Variants in ACACA observed in about 807,000 individuals in gnomAD.
The protein encoded by ACACA is acetyl-CoA carboxylase alpha, also known as acetyl-CoA carboxylase 1.
A neutral mutation model predicts 296.1 loss-of-function variants in ACACA; 103 were observed. The observed-to-expected ratio is 0.35, with a 90% CI of 0.30 to 0.41. The LOEUF (loss-of-function observed/expected upper bound fraction) is 0.41. Among genes scored for constraint, ACACA ranks in the 10% least tolerant of loss-of-function variants. The pLI is 1.00. For missense variants in ACACA, 1,554 were observed against 2,989.7 expected (o/e 0.52, Z 11.20); for synonymous variants, 953 against 1,038.6 (o/e 0.92, Z 1.58).
At chr17:37,256,189 G>A (rs566690160) in intron 14 of ACACA, among the ~76,000 whole-genome samples, 2 of 151,990 alleles carry the variant, frequency 1.3e-5, no homozygotes, top group African/African-American at 4.8e-5. Context: ...TTAACACTTT[G>A]TGAGCCCATC....
chr17:37,248,228 A>G (rs2080812668), intron 17 of ACACA, 72 bp from the exon 18 acceptor site: 2 of 1,565,914 alleles, frequency 1.3e-6, no homozygotes, highest in Admixed American at 3.4e-5. Flanking sequence ...GAATGCTTCA[A>G]AAATACAGAT....
chr17:37,147,141 G>T (rs1005436598), intron 45 of ACACA, among the ~76,000 whole-genome samples: 1 of 152,010 alleles, frequency 6.6e-6, no homozygotes, highest in Non-Finnish European at 1.5e-5. Flanking sequence ...AAATGTGGGG[G>T]TCAAATATTT....
rs1171239921 is a variant in ACACA, at chr17:37,342,470, C to T, written c.39-2620G>A. On this transcript the variant is annotated intron_variant, in intron 1 of 55. Transcript: ENST00000616317. ...ATATATATATATATACACACACACACACATATATTTTTAAATATATATGTA... is the reference window on the plus strand; with the variant it reads ...ATATATATATATATACACACACACATACATATATTTTTAAATATATATGTA... Among the ~76,000 whole-genome samples the T allele has an allele frequency of 1.0e-3, 117 of 115,078 alleles. 1 individual carries two copies. The highest frequency in any genetic ancestry group is 1.5e-3 in the Non-Finnish European group (87 of 58,860). 75.5% of individuals were successfully genotyped at this position (115,078 alleles called of 152,430 possible).
At chr17:37,220,488 G>A (rs553445853) in intron 29 of ACACA, among the ~76,000 whole-genome samples, 2 of 152,302 alleles carry the variant, frequency 1.3e-5, no homozygotes, top group Admixed American at 1.3e-4. Flanking sequence ...AGAAGACTGA[G>A]TGCTGTGCCT....
At chr17:37,130,351 G>C in intron 45 of ACACA, 133 bp from the exon 46 acceptor site, 1 of 1,096,366 alleles carries the variant, frequency 9.1e-7, no homozygotes, top group Non-Finnish European at 1.3e-6. Context: ...TGGTTGTTCT[G>C]AGGGACTATC....
intron 1 of ACACA, among the ~76,000 whole-genome samples, chr17:37,373,104 C>T (rs1021521036): frequency 2.6e-5 from 4 of 152,158 alleles, no homozygotes; most frequent in African/African-American, 9.7e-5. Flanking sequence ...TGGTCTTGAA[C>T]TCCTGACCTC....
chr17:37,283,785 T>C (rs2082651477), intron 4 of ACACA, among the ~76,000 whole-genome samples: 1 of 152,234 alleles, frequency 6.6e-6, no homozygotes. Flanking sequence ...TGCCATGCAC[T>C]CTTCTCTGTT....
intron 1 of ACACA, among the ~76,000 whole-genome samples, chr17:37,376,483 C>T (rs2050007481): frequency 6.6e-6 from 1 of 152,110 alleles, no homozygotes; most frequent in Non-Finnish European, 1.5e-5. Context: ...TCATACTGTT[C>T]ATAAGATGTT....
chr17:37,254,082 C>T (rs2081115738), intron 14 of ACACA, among the ~76,000 whole-genome samples: 1 of 151,962 alleles, frequency 6.6e-6, no homozygotes, highest in African/African-American at 2.4e-5. Context: ...TCCACAAATA[C>T]TAATTATGTA....
Position 37,085,553 on chromosome 17 carries a change from G to C in ACACA, c.*1763C>G, listed in dbSNP as rs1231102571. Reference sequence around the variant, plus strand: ...CTAGGTAAGCAAATAGCCAGCAATGGTCAATGCATTTTCCTGGACTGAGAA... The same window carrying C: ...CTAGGTAAGCAAATAGCCAGCAATGCTCAATGCATTTTCCTGGACTGAGAA... On this transcript the variant is annotated 3_prime_UTR_variant, in exon 56 of 56. Coordinates refer to ENST00000616317, the MANE Select transcript of ACACA (RefSeq NM_198834.3). The C allele has an allele frequency of 1.0e-5, 4 of 398,502 alleles. No homozygotes were observed. Among genetic ancestry groups the C allele is most frequent in the Non-Finnish European group, 8.8e-6 (2 of 226,076 alleles). The allele number at this position is 398,502 out of a possible 1,614,324, so 24.7% of individuals were successfully genotyped here. A position where few individuals can be genotyped will look rare whatever the true frequency, so the allele number is the denominator to read the frequency against.
At chr17:37,295,213 G>A (rs1012619579) in intron 3 of ACACA, among the ~76,000 whole-genome samples, 2 of 152,144 alleles carry the variant, frequency 1.3e-5, no homozygotes, top group African/African-American at 2.4e-5. Context: ...GAGTGGCCCC[G>A]GCCAGAAACC....
In ACACA at chr17:37,087,459, ATGG is replaced by A; in HGVS notation, c.7029-23_7029-21del. ...ACCAAGCTGGAAAGGAAGATTGAGA[ATGG>A]TGAAGAAAAGAGAAGCAGAAGTGTC... is the stretch of plus-strand genomic sequence containing the variant. On this transcript the variant is annotated intron_variant, in intron 55 of 55. Transcript: ENST00000616317. 1.2e-6 allele frequency: 2 copies of A among 1,614,122 alleles called. No homozygotes were observed. Among genetic ancestry groups the A allele is most frequent in the Non-Finnish European group, 1.7e-6 (2 of 1,180,018 alleles).
intron 14 of ACACA, among the ~76,000 whole-genome samples, chr17:37,255,160 A>G (rs981501748): frequency 1.3e-5 from 2 of 152,138 alleles, no homozygotes; most frequent in South Asian, 2.1e-4. Context: ...AAGCAGAGGT[A>G]TAAGGATAGG....
Position 37,151,397 on chromosome 17 carries a change from C to T in ACACA, c.5472G>A (p.Gly1824=). The T allele has an allele frequency of 5.6e-6, 9 of 1,613,894 alleles. No homozygotes were observed. Among genetic ancestry groups the T allele is most frequent in the Non-Finnish European group, 7.6e-6 (9 of 1,179,910 alleles). ...TCTCGGGTCCAATTCCCTCTTCTTT[C>T]CCAATAATATCTGTTATCTTGTACC... ...ESRYKITDII[G]KEEGIGPENL... Residue 1824 remains glycine (G), a synonymous_variant, in exon 44 of 56, where the codon GGG becomes GGA. Coordinates refer to ENST00000616317, the MANE Select transcript of ACACA (RefSeq NM_198834.3).
At chr17:37,334,434 C>G (rs1012005585) in intron 2 of ACACA, among the ~76,000 whole-genome samples, 8 of 152,104 alleles carry the variant, frequency 5.3e-5, no homozygotes, top group Non-Finnish European at 1.0e-4. Context: ...AATTCCCCAT[C>G]CCTAGATACA....
At chr17:37,234,240 G>T (rs957845595) in intron 25 of ACACA, among the ~76,000 whole-genome samples, 6 of 152,172 alleles carry the variant, frequency 3.9e-5, no homozygotes, top group Non-Finnish European at 8.8e-5. Flanking sequence ...GACTCTAGGA[G>T]TAGTCCTACT....
intron 3 of ACACA, among the ~76,000 whole-genome samples, chr17:37,287,583 A>C (rs971761101): frequency 6.9e-5 from 10 of 145,738 alleles, no homozygotes; most frequent in Non-Finnish European, 1.2e-4. Flanking sequence ...AAAAAAAAAA[A>C]AAAAAAACAA....
Position 37,245,217 on chromosome 17 carries a change from A to G in ACACA, c.2461-3T>C, listed in dbSNP as rs2080633926. 1 of 1,613,586 alleles carries G rather than the reference A, an allele frequency of 6.2e-7. No homozygotes were observed. The highest frequency in any genetic ancestry group is 2.2e-5 in the East Asian group (1 of 44,886). ...AAGGTCATTACCATCTTCATTACCTATAGTGAAAAATAAACTAGACTCAGA... is the reference window on the plus strand; with the variant it reads ...AAGGTCATTACCATCTTCATTACCTGTAGTGAAAAATAAACTAGACTCAGA... On this transcript the variant is annotated splice_polypyrimidine_tract_variant and splice_region_variant and intron_variant, in intron 19 of 55. Coordinates refer to ENST00000616317, the MANE Select transcript of ACACA (RefSeq NM_198834.3).
chr17:37,313,155 G>T (rs1018752893), intron 3 of ACACA, among the ~76,000 whole-genome samples: 5 of 152,110 alleles, frequency 3.3e-5, no homozygotes, highest in Admixed American at 2.0e-4. Context: ...TTGGGGGGTT[G>T]CAGGAGGGAG....
Sources: allele counts gnomAD v4.1 joint callset (sites outside exome capture counted in the v4.1 genomes callset), GRCh38; gene constraint gnomAD v4.1.1; transcripts MANE v1.5; gene names NCBI Gene and HGNC (gene_info 2026-07-23, HGNC 2026-07-21).